HPCAL1: variants seen among roughly 807,000 people sequenced by gnomAD.
HPCAL1 encodes the protein hippocalcin like 1, also known as hippocalcin-like protein 1.
HPCAL1 carries 8 observed loss-of-function variants against 17.1 expected under a neutral mutation model. The observed-to-expected ratio is 0.47, with a 90% CI of 0.27 to 0.84. The LOEUF is 0.84. HPCAL1 is among the 40% of genes least tolerant of loss of function. The pLI, the probability that HPCAL1 is intolerant of heterozygous loss-of-function variation, is 0.13. For synonymous variants in HPCAL1, 112 were observed against 111.4 expected, an observed-to-expected ratio of 1.01 and a Z score of -0.03; for missense variants, 165 against 271.1, an observed-to-expected ratio of 0.61 and a Z score of 2.75.
At chr2:10,368,472 A>T (rs989846367) in intron 1 of HPCAL1, among the ~76,000 whole-genome samples, 5 of 152,190 alleles carry the variant, frequency 3.3e-5, no homozygotes, top group Non-Finnish European at 7.3e-5. Flanking sequence ...CCCAGCTCCC[A>T]GCTCCGGCCT....
intron 1 of HPCAL1, among the ~76,000 whole-genome samples, chr2:10,335,141 C>T (rs1664640704): frequency 1.3e-5 from 2 of 152,186 alleles, no homozygotes; most frequent in South Asian, 4.1e-4. Context: ...GTCTTCACAC[C>T]CTTGTGTAAT....
intron 2 of HPCAL1, chr2:10,408,702 C>G (rs1042640075): frequency 6.6e-6 from 1 of 152,226 alleles, no homozygotes; most frequent in Non-Finnish European, 1.5e-5. Context: ...GCTAGCCCTC[C>G]CTGCTGAAAA....
In HPCAL1 at chr2:10,420,140, C is replaced by A; in HGVS notation, c.378+5C>A. On this transcript the variant is annotated splice_donor_5th_base_variant and intron_variant, in intron 3 of 4. Transcript: ENST00000307845. ...GAGATGCTGGAGATCGTGCAGGTAC[C>A]GGCGCCCGAGGCCCCGGGTCTCACC... 1.2e-6 allele frequency: 2 copies of A among 1,601,884 alleles called. No homozygotes were observed. The highest frequency in any genetic ancestry group is 1.7e-6 in the Non-Finnish European group (2 of 1,171,920).
intron 2 of HPCAL1, among the ~76,000 whole-genome samples, chr2:10,414,148 C>G (rs1360115401): frequency 6.6e-6 from 1 of 152,230 alleles, no homozygotes; most frequent in Non-Finnish European, 1.5e-5. Flanking sequence ...ACAAAATGGG[C>G]CCCACAGGCC....
At chr2:10,369,500 G>A (rs567054713) in intron 1 of HPCAL1, among the ~76,000 whole-genome samples, 1 of 152,320 alleles carries the variant, frequency 6.6e-6, no homozygotes, top group African/African-American at 2.4e-5. Context: ...GACACTTGGT[G>A]GGGCCGGAGC....
chr2:10,352,102 C>A (rs1407671316), intron 1 of HPCAL1, among the ~76,000 whole-genome samples: 1 of 152,010 alleles, frequency 6.6e-6, no homozygotes, highest in Non-Finnish European at 1.5e-5. Context: ...GGAGTTTTGC[C>A]TTATTGGCCA....
At chr2:10,315,672 T>G (rs116995639) in intron 1 of HPCAL1, among the ~76,000 whole-genome samples, 4,351 of 152,326 alleles carry the variant, frequency 0.029, 86 homozygotes, top group East Asian at 0.11. Flanking sequence ...TTCGCTGCAC[T>G]GAAATTCAAC....
In HPCAL1 at chr2:10,356,997, C is replaced by T. The variant is rs186394059; in HGVS notation, c.-110-39838C>T. On this transcript the variant is annotated intron_variant, in intron 1 of 4. Coordinates refer to ENST00000307845, the MANE Select transcript of HPCAL1 (RefSeq NM_002149.4). ...GCGTGGTGGCACATGCCTGTAGTCC[C>T]AGCTACTTGGGAGGCTGAGGTGGGA... is the stretch of plus-strand genomic sequence containing the variant. Among the ~76,000 whole-genome samples the T allele has an allele frequency of 7.0e-4, 107 of 152,312 alleles. 4 individuals are homozygous for T. Among genetic ancestry groups the T allele is most frequent in the African/African-American group, 2.5e-3 (102 of 41,574 alleles).
At position 10,338,553 on chromosome 2, in the gene HPCAL1, G is replaced by T. The variant is rs111602427; in HGVS notation, c.-111+35376G>T. 4.1e-3 allele frequency among the ~76,000 whole-genome samples: 626 copies of T among 152,218 alleles called. 7 individuals carry two copies. Among genetic ancestry groups the T allele is most frequent in the African/African-American group, 0.014 (586 of 41,518 alleles). On this transcript the variant is annotated intron_variant, in intron 1 of 4. Transcript: ENST00000307845. ...TTGGCTGGGGCAGGTGTCACGGAGCGGGACCTGTGATTGTTCAGCCACCTA... is the reference window on the plus strand; with the variant it reads ...TTGGCTGGGGCAGGTGTCACGGAGCTGGACCTGTGATTGTTCAGCCACCTA...
chr2:10,424,886 C>T (rs1039876627), intron 4 of HPCAL1: 40 of 336,676 alleles, frequency 1.2e-4, no homozygotes, highest in African/African-American at 8.2e-4. Flanking sequence ...CTGGCTGCTC[C>T]AGGCCTCTAG....
intron 1 of HPCAL1, among the ~76,000 whole-genome samples, chr2:10,328,189 C>A (rs1249977988): frequency 3.3e-5 from 5 of 152,174 alleles, no homozygotes; most frequent in African/African-American, 4.8e-5. Flanking sequence ...GCCAGGATCT[C>A]ATTTTACAGA....
In HPCAL1 at chr2:10,353,669, G is replaced by A. The variant is rs548143351; in HGVS notation, c.-110-43166G>A. ...TGCAGCCTTGACTTCCCAGGCTCAA[G>A]CAATCCTCCTGCCTCAGCCTCCCCA... is the stretch of plus-strand genomic sequence containing the variant. On this transcript the variant is annotated intron_variant, in intron 1 of 4. Transcript: ENST00000307845. Among the ~76,000 whole-genome samples, 20 of 152,356 alleles carry A rather than the reference G, an allele frequency of 1.3e-4. No homozygotes were observed. The East Asian group carries it at 2.9e-3, about 22-fold the overall frequency.
chr2:10,402,003 C>T (rs1250038806), intron 2 of HPCAL1, among the ~76,000 whole-genome samples: 1 of 152,170 alleles, frequency 6.6e-6, no homozygotes, highest in Non-Finnish European at 1.5e-5. Flanking sequence ...TGGGTTCAAG[C>T]GATTCTCTGC....
At chr2:10,372,272 C>T (rs868205227) in intron 1 of HPCAL1, among the ~76,000 whole-genome samples, 16 of 149,800 alleles carry the variant, frequency 1.1e-4, no homozygotes, top group South Asian at 4.3e-4. Context: ...AGGTGGGGGA[C>T]GAGGGTTGTC....
intron 1 of HPCAL1, among the ~76,000 whole-genome samples, chr2:10,352,465 A>G (rs530398223): frequency 7.2e-5 from 11 of 152,266 alleles, no homozygotes; most frequent in Admixed American, 3.9e-4. Context: ...CTGATTTCCC[A>G]GTAGGGTTTA....
intron 1 of HPCAL1, among the ~76,000 whole-genome samples, chr2:10,374,520 A>T (rs1381868097): frequency 1.3e-5 from 2 of 152,222 alleles, no homozygotes; most frequent in Non-Finnish European, 2.9e-5. Context: ...GCCCTCAGGG[A>T]GCTGACGGTC....
chr2:10,386,322 T>G (rs190365906), intron 1 of HPCAL1, among the ~76,000 whole-genome samples: 208 of 152,362 alleles, frequency 1.4e-3, no homozygotes, highest in African/African-American at 4.8e-3. Flanking sequence ...CCCTGGCCTC[T>G]CTTGCGTGGC....
rs1665563040 is a variant in HPCAL1 at position 10,347,761 on chromosome 2, TG to T, written c.-111+44586del. On this transcript the variant is annotated intron_variant, in intron 1 of 4. Coordinates refer to ENST00000307845, the MANE Select transcript of HPCAL1 (RefSeq NM_002149.4). ...TTTCACGGGGATCCAGTATGAAGCC[TG>T]GCACGGAGTATGGGCCAAATCGGTT... 2.0e-5 allele frequency among the ~76,000 whole-genome samples: 3 copies of T among 152,196 alleles called. No individual in the cohort carries two copies. In the South Asian group the frequency reaches 6.2e-4, roughly 31 times the overall value.
At position 10,343,125 on chromosome 2, in the gene HPCAL1, G is replaced by C. The variant is rs1665199153; in HGVS notation, c.-111+39948G>C. Reference sequence around the variant, plus strand: ...GGGCCCGCAGCTCTGATGTGCAGTGGGTATGCACTGGCAAGCCGTGCACTG... The same window carrying C: ...GGGCCCGCAGCTCTGATGTGCAGTGCGTATGCACTGGCAAGCCGTGCACTG... On this transcript the variant is annotated intron_variant, in intron 1 of 4. Coordinates refer to ENST00000307845, the MANE Select transcript of HPCAL1 (RefSeq NM_002149.4). The surrounding 1 kb of genome is among the most constrained non-coding windows in gnomAD (Gnocchi z 4.8). Among the ~76,000 whole-genome samples, 1 of 152,150 alleles carries C rather than the reference G, an allele frequency of 6.6e-6. No homozygotes were observed. The highest frequency in any genetic ancestry group is 1.9e-4 in the East Asian group (1 of 5,194).
Sources: allele counts gnomAD v4.1 joint callset (sites outside exome capture counted in the v4.1 genomes callset), GRCh38; gene constraint gnomAD v4.1.1; non-coding constraint Gnocchi (gnomAD v3.1); transcripts MANE v1.5; gene names NCBI Gene and HGNC (gene_info 2026-07-23, HGNC 2026-07-21).